FBXL17: variants seen among roughly 807,000 people sequenced by gnomAD.
FBXL17 encodes F-box and leucine rich repeat protein 17.
FBXL17 carries 22 observed loss-of-function variants against 66.2 expected under a neutral mutation model. That is an observed-to-expected ratio of 0.33 (90% CI 0.24 to 0.47). FBXL17 has a LOEUF of 0.47. Ranked by LOEUF, FBXL17 falls within the 20% of genes least tolerant of loss-of-function variation. The pLI is 1.00. For synonymous variants in FBXL17, 474 were observed against 400.5 expected (o/e 1.18, Z -2.19); for missense variants, 878 against 948.2 (o/e 0.93, Z 0.97).
At chr5:108,300,924 A>G (rs1461098673) in intron 4 of FBXL17, among the ~76,000 whole-genome samples, 1 of 151,738 alleles carries the variant, frequency 6.6e-6, no homozygotes, top group Non-Finnish European at 1.5e-5. Flanking sequence ...CTGTATATAT[A>G]TATTTAAAGT....
intron 6 of FBXL17, among the ~76,000 whole-genome samples, chr5:108,100,815 C>G (rs2149940517): frequency 6.6e-6 from 1 of 152,240 alleles, no homozygotes; most frequent in East Asian, 1.9e-4. Flanking sequence ...CTTAGTTTTC[C>G]TCCTTTTCTT....
chr5:108,118,129 C>T (rs1480582019), intron 6 of FBXL17, among the ~76,000 whole-genome samples: 2 of 152,116 alleles, frequency 1.3e-5, no homozygotes, highest in African/African-American at 4.8e-5. Flanking sequence ...TTGTGCTTTC[C>T]TAAGTATAAC....
intron 6 of FBXL17, among the ~76,000 whole-genome samples, chr5:108,073,826 A>G (rs1748437928): frequency 6.6e-6 from 1 of 151,790 alleles, no homozygotes; most frequent in Admixed American, 6.6e-5. Context: ...CTCCCTTTCC[A>G]CCTTCTGCCA....
intron 6 of FBXL17, among the ~76,000 whole-genome samples, chr5:108,161,370 C>T (rs1017222735): frequency 6.6e-6 from 1 of 152,142 alleles, no homozygotes; most frequent in Non-Finnish European, 1.5e-5. Flanking sequence ...CCTGTAGTCC[C>T]AGCTACTCGG....
chr5:108,013,040 T>C (rs1323249543), intron 7 of FBXL17, among the ~76,000 whole-genome samples: 2 of 127,374 alleles, frequency 1.6e-5, no homozygotes, highest in Non-Finnish European at 3.3e-5. Context: ...AAAAAAAAAG[T>C]ACCTATCTAA....
intron 5 of FBXL17, among the ~76,000 whole-genome samples, chr5:108,212,661 T>C (rs763810981): frequency 3.3e-5 from 5 of 152,172 alleles, no homozygotes; most frequent in Non-Finnish European, 4.4e-5. Context: ...ACAGCAAAGA[T>C]TGCCGCCTGA....
intron 6 of FBXL17, among the ~76,000 whole-genome samples, chr5:108,058,596 T>C (rs1010956941): frequency 2.6e-5 from 4 of 152,114 alleles, no homozygotes; most frequent in Non-Finnish European, 5.9e-5. Context: ...GCCATTCTCC[T>C]GCCTCAGCCT....
At chr5:107,991,489 C>A (rs1753246978) in intron 7 of FBXL17, among the ~76,000 whole-genome samples, 1 of 152,208 alleles carries the variant, frequency 6.6e-6, no homozygotes, top group African/African-American at 2.4e-5. Context: ...GATTTCTCTA[C>A]TGCTTTCACT....
At chr5:108,342,498 C>G (rs568797427) in intron 4 of FBXL17, among the ~76,000 whole-genome samples, 1 of 152,248 alleles carries the variant, frequency 6.6e-6, no homozygotes, top group South Asian at 2.1e-4. Flanking sequence ...CCTTTGATGT[C>G]TCACAGCACT....
intron 6 of FBXL17, among the ~76,000 whole-genome samples, chr5:108,069,669 C>T (rs1580399747): frequency 6.6e-6 from 1 of 152,176 alleles, no homozygotes; most frequent in African/African-American, 2.4e-5. Context: ...AATTTTCCTT[C>T]CCCATAGCCT....
chr5:108,137,037 T>C (rs548892295), intron 6 of FBXL17, among the ~76,000 whole-genome samples: 1 of 152,288 alleles, frequency 6.6e-6, no homozygotes, highest in East Asian at 1.9e-4. Context: ...GTAATAACAT[T>C]TAAAAATTAG....
At chr5:108,243,677 A>G (rs868221575) in intron 4 of FBXL17, among the ~76,000 whole-genome samples, 1 of 152,208 alleles carries the variant, frequency 6.6e-6, no homozygotes, top group African/African-American at 2.4e-5. Context: ...TCATTTCTAA[A>G]TAAGATATTT....
chr5:108,257,537 T>C (rs1300464536), intron 4 of FBXL17, among the ~76,000 whole-genome samples: 1 of 152,112 alleles, frequency 6.6e-6, no homozygotes, highest in Non-Finnish European at 1.5e-5. Flanking sequence ...ATTATCATTA[T>C]TATTAACTGA....
chr5:108,346,043 T>A (rs932812250), intron 4 of FBXL17, among the ~76,000 whole-genome samples: 3 of 152,184 alleles, frequency 2.0e-5, no homozygotes, highest in Non-Finnish European at 4.4e-5. Flanking sequence ...AGTTGCTAAC[T>A]TAAAATATTT....
At chr5:107,958,110 A>G (rs1751736183) in intron 7 of FBXL17, among the ~76,000 whole-genome samples, 1 of 151,944 alleles carries the variant, frequency 6.6e-6, no homozygotes, top group Non-Finnish European at 1.5e-5. Context: ...ATTATGAGTC[A>G]ACTTTGGTAC....
chr5:107,968,473 A>G (rs1752238497), intron 7 of FBXL17, among the ~76,000 whole-genome samples: 1 of 152,170 alleles, frequency 6.6e-6, no homozygotes, highest in Non-Finnish European at 1.5e-5. Context: ...CTTCTTTTAG[A>G]GTAGACACAT....
At chr5:108,059,474 C>T (rs1747837578) in intron 6 of FBXL17, among the ~76,000 whole-genome samples, 2 of 152,130 alleles carry the variant, frequency 1.3e-5, no homozygotes, top group Admixed American at 6.5e-5. Flanking sequence ...GACAATGGTG[C>T]CTCAGCAGGA....
intron 5 of FBXL17, among the ~76,000 whole-genome samples, chr5:108,220,909 C>A (rs75770199): frequency 3.3e-5 from 5 of 152,176 alleles, no homozygotes; most frequent in African/African-American, 1.2e-4. Flanking sequence ...AGACCCAATT[C>A]TCCCACATAC....
intron 7 of FBXL17, among the ~76,000 whole-genome samples, chr5:107,923,920 G>T (rs1326819376): frequency 6.6e-6 from 1 of 152,082 alleles, no homozygotes; most frequent in Non-Finnish European, 1.5e-5. Flanking sequence ...GAAGGAACAA[G>T]AACTTCAGGG....
Sources: allele counts gnomAD v4.1 joint callset (sites outside exome capture counted in the v4.1 genomes callset), GRCh38; gene constraint gnomAD v4.1.1; transcripts MANE v1.5; gene names NCBI Gene and HGNC (gene_info 2026-07-23, HGNC 2026-07-21).